Variants in KAT6B observed in about 807,000 individuals in gnomAD.
The protein encoded by KAT6B is lysine acetyltransferase 6B.
Under a neutral mutation model 187.5 loss-of-function variants are expected in KAT6B, and 10 were observed. The ratio of observed to expected loss-of-function variants is 0.05; its 90% CI spans 0.03 to 0.09. The LOEUF (loss-of-function observed/expected upper bound fraction) is 0.09. Among genes scored for constraint, KAT6B ranks in the 10% least tolerant of loss-of-function variants. The probability of loss-of-function intolerance (pLI) is 1.00; values close to 1 mark genes in which losing one functional copy is unlikely to be tolerated. For missense variants in KAT6B, 1,952 were observed against 2,558.9 expected, an observed-to-expected ratio of 0.76 and a Z score of 5.12; for synonymous variants, 861 against 926.8, an observed-to-expected ratio of 0.93 and a Z score of 1.29.
intron 3 of KAT6B, among the ~76,000 whole-genome samples, chr10:74,907,033 C>G (rs1319793419): frequency 6.6e-6 from 1 of 152,200 alleles, no homozygotes; most frequent in East Asian, 1.9e-4. Flanking sequence ...ATTCTTCCAG[C>G]CTGCAGACGT....
intron 3 of KAT6B, among the ~76,000 whole-genome samples, chr10:74,899,243 A>G (rs2132736279): frequency 8.1e-6 from 1 of 123,950 alleles, no homozygotes; most frequent in East Asian, 2.2e-4. Context: ...CTAAAATTCT[A>G]AATGAATTAT....
In KAT6B at chr10:75,031,164, G is replaced by C; in HGVS notation, c.*118G>C. ...TGGTGTGAATGCAAAAACATTTGTT[G>C]GCACCATTTATTTAAAAAAAAAAAA... On this transcript the variant is annotated 3_prime_UTR_variant, in exon 18 of 18. Coordinates refer to ENST00000287239, the MANE Select transcript of KAT6B (RefSeq NM_012330.4). 1 of 1,170,300 alleles carries C rather than the reference G, an allele frequency of 8.5e-7. No homozygotes were observed. The highest frequency in any genetic ancestry group is 1.2e-6 in the Non-Finnish European group (1 of 820,820). The allele number at this position is 1,170,300 out of a possible 1,614,324, so 72.5% of individuals were successfully genotyped here. A position where few individuals can be genotyped will look rare whatever the true frequency, so the allele number is the denominator to read the frequency against.
intron 3 of KAT6B, among the ~76,000 whole-genome samples, chr10:74,893,112 G>A (rs1183887500): frequency 6.6e-6 from 1 of 152,240 alleles, no homozygotes; most frequent in Non-Finnish European, 1.5e-5. Flanking sequence ...GAGACTGAGA[G>A]CTGAGTCAAA....
At chr10:74,896,931 A>T (rs1284258036) in intron 3 of KAT6B, among the ~76,000 whole-genome samples, 1 of 152,184 alleles carries the variant, frequency 6.6e-6, no homozygotes, top group Non-Finnish European at 1.5e-5. Flanking sequence ...TATTATGATG[A>T]TTAATTTCCT....
At chr10:74,892,574 G>GA (rs905232517) in intron 3 of KAT6B, among the ~76,000 whole-genome samples, 8 of 152,120 alleles carry the variant, frequency 5.3e-5, no homozygotes, top group Non-Finnish European at 1.2e-4. Context: ...CTGTGTAAGA[G>GA]AAGAGTATAA....
At chr10:74,895,103 T>A (rs1431305449) in intron 3 of KAT6B, among the ~76,000 whole-genome samples, 1 of 151,938 alleles carries the variant, frequency 6.6e-6, no homozygotes, top group Non-Finnish European at 1.5e-5. Context: ...GAGGTGATAT[T>A]TCATTATGGT....
chr10:74,872,725 C>G (rs1040414135), intron 3 of KAT6B, among the ~76,000 whole-genome samples: 13 of 151,562 alleles, frequency 8.6e-5, no homozygotes, highest in African/African-American at 3.2e-4. Context: ...CTATGTTGCC[C>G]AGGCTGGGTG....
intron 3 of KAT6B, among the ~76,000 whole-genome samples, chr10:74,896,280 T>C (rs533627722): frequency 6.6e-5 from 10 of 152,256 alleles, no homozygotes; most frequent in Admixed American, 1.3e-4. Context: ...TTGTGTACTT[T>C]AGTTTTTTAT....
At chr10:74,826,130 G>A (rs1364853687), upstream of KAT6B, among the ~76,000 whole-genome samples, 1 of 152,126 alleles carries the variant, frequency 6.6e-6, no homozygotes, top group Non-Finnish European at 1.5e-5. Flanking sequence ...GCGGGCTAGG[G>A]GGTTTGGGGT....
rs755451488 is a variant in KAT6B at position 75,022,200 on chromosome 10, C to T, written c.3341C>T (p.Thr1114Met). The change falls in exon 16 of 18, where the codon ACG becomes ATG. Residue 1114 changes from threonine to methionine, a missense_variant. By Grantham distance (81) the Thr-to-Met change is moderately conservative. This residue lies in a region of KAT6B where 758 missense variants were observed against 891.4 expected (regional missense o/e 0.85). Coordinates refer to ENST00000287239, the MANE Select transcript of KAT6B (RefSeq NM_012330.4). ...ATTCAAAGCTCTCCCCCAAGATTGA[C>T]GAAACCACAGTCAGTTGCCATAAAG... ...ENIQSSPPRL[T>M]KPQSVAIKRK... 3.7e-5 allele frequency: 59 copies of T among 1,613,050 alleles called. No individual in the cohort carries two copies. Among genetic ancestry groups the T allele is most frequent in the Admixed American group, 1.8e-4 (11 of 60,000 alleles).
In KAT6B at chr10:75,028,801, G is replaced by A. The variant is rs753136232; in HGVS notation, c.3977G>A (p.Arg1326Lys). 1.2e-6 allele frequency: 2 copies of A among 1,614,062 alleles called. No homozygotes were observed. The highest frequency in any genetic ancestry group is 1.7e-6 in the Non-Finnish European group (2 of 1,180,018). Reference protein sequence around the residue: ...EALLPQEENRREETCAPVSPN... With the variant: ...EALLPQEENRKEETCAPVSPN... ...CTGTTGCCTCAAGAGGAAAACAGAA[G>A]GGAAGAAACATGTGCCCCTGTAAGT... Residue 1326 changes from arginine to lysine, a missense_variant, in exon 18 of 18, where the codon AGG becomes AAG. Transcript: ENST00000287239.
intron 13 of KAT6B, among the ~76,000 whole-genome samples, chr10:74,997,685 A>C (rs541328278): frequency 6.6e-6 from 1 of 152,314 alleles, no homozygotes; most frequent in South Asian, 2.1e-4. Flanking sequence ...ACTTACCCAA[A>C]TCTAACTAAG....
chr10:74,966,767 C>T (rs1357016049), intron 4 of KAT6B, among the ~76,000 whole-genome samples: 2 of 152,192 alleles, frequency 1.3e-5, no homozygotes, highest in African/African-American at 4.8e-5. Context: ...TGGGGTGTGT[C>T]AGTAGTCCCA....
At chr10:74,946,800 G>A (rs1356637803) in intron 3 of KAT6B, among the ~76,000 whole-genome samples, 1 of 152,158 alleles carries the variant, frequency 6.6e-6, no homozygotes, top group Non-Finnish European at 1.5e-5. Flanking sequence ...TATTTTGATA[G>A]GGGTGTGGGT....
upstream of KAT6B, among the ~76,000 whole-genome samples, chr10:74,826,294 G>A (rs955636685): frequency 6.6e-6 from 1 of 152,102 alleles, no homozygotes; most frequent in Non-Finnish European, 1.5e-5. Flanking sequence ...CTAGGAGAGA[G>A]AAAAAGGGCT....
intron 3 of KAT6B, among the ~76,000 whole-genome samples, chr10:74,923,666 C>T (rs1399819472): frequency 6.6e-6 from 1 of 152,114 alleles, no homozygotes; most frequent in Non-Finnish European, 1.5e-5. Flanking sequence ...GTCTGAGAAA[C>T]AGATAAGAGG....
intron 3 of KAT6B, among the ~76,000 whole-genome samples, chr10:74,952,980 G>A (rs1016666068): frequency 3.3e-5 from 5 of 150,478 alleles, no homozygotes; most frequent in Admixed American, 1.3e-4. Context: ...GATTACAAGC[G>A]TAAGCCACCG....
intron 3 of KAT6B, among the ~76,000 whole-genome samples, chr10:74,864,929 G>A (rs1843446695): frequency 6.6e-6 from 1 of 152,168 alleles, no homozygotes; most frequent in Non-Finnish European, 1.5e-5. Context: ...TGTATTTCTT[G>A]TAACAGAAAT....
chr10:75,003,772 G>C lies in KAT6B; in HGVS notation c.2629+14660G>C, dbSNP rs1267628477. The stretch of plus-strand genomic sequence containing the variant: ...AGATAACATCAAGGTTGAAAATTGA[G>C]CTCTCAGTGATTTATTCAGAGGTTG... On this transcript the variant is annotated intron_variant, in intron 13 of 17. Coordinates refer to ENST00000287239, the MANE Select transcript of KAT6B (RefSeq NM_012330.4). Among the ~76,000 whole-genome samples, 14 of 152,114 alleles carry C rather than the reference G, an allele frequency of 9.2e-5. No homozygotes were observed. In the East Asian group the frequency reaches 2.5e-3, roughly 27 times the overall value.
Sources: gnomAD v4.1 joint callset for allele counts (sites outside exome capture counted in the v4.1 genomes callset) on GRCh38, gnomAD v4.1.1 for gene constraint, gnomAD v4.1.1 regional missense constraint, MANE v1.5 for transcripts, NCBI Gene and HGNC (gene_info 2026-07-23, HGNC 2026-07-21) for gene names.